Variants in HMCN1 observed in about 807,000 individuals in gnomAD.
The protein encoded by HMCN1 is hemicentin 1.
In HMCN1, 321 loss-of-function variants were observed where a neutral mutation model predicts 625.9. That is an observed-to-expected ratio of 0.51 (90% CI 0.47 to 0.56). The LOEUF is 0.56. Ranked by LOEUF, HMCN1 falls within the 20% of genes least tolerant of loss-of-function variation. The pLI is 0.00. For missense variants in HMCN1, 6,588 were observed against 6,887.3 expected (o/e 0.96, Z 1.54); for synonymous variants, 2,425 against 2,417.6 (o/e 1.00, Z -0.09).
chr1:186,117,837 C>T (rs1370239284), intron 77 of HMCN1, among the ~76,000 whole-genome samples: 1 of 152,092 alleles, frequency 6.6e-6, no homozygotes, highest in Admixed American at 6.6e-5. Flanking sequence ...AACAAAATAA[C>T]AATATCTAAG....
At chr1:185,852,459 GTAGAGCTATCAGAGGTTTGA>G in intron 2 of HMCN1, among the ~76,000 whole-genome samples, 1 of 151,800 alleles carries the variant, frequency 6.6e-6, no homozygotes. Context: ...TAGATATAAT[GTAGAGCTATCAGAGGTTTGA>G]TTTTCATTTT....
intron 11 of HMCN1, among the ~76,000 whole-genome samples, chr1:185,942,663 C>T (rs541928338): frequency 6.6e-6 from 1 of 152,020 alleles, no homozygotes; most frequent in African/African-American, 2.4e-5. Flanking sequence ...CACCAACAAC[C>T]AAATCTCCAA....
chr1:185,798,571 A>T (rs1356559497), intron 1 of HMCN1, among the ~76,000 whole-genome samples: 1 of 151,932 alleles, frequency 6.6e-6, no homozygotes, highest in Non-Finnish European at 1.5e-5. Context: ...CATTTTAACA[A>T]ATTCTTTTTT....
At position 185,909,535 on chromosome 1, in the gene HMCN1, A is replaced by G. The variant is rs16824732; in HGVS notation, c.793+27A>G. ...TGAGATATATCAAACATCACATAAT[A>G]AAATACAAAATACATAGAGGGTAAA... On this transcript the variant is annotated intron_variant, in intron 5 of 106. Transcript: ENST00000271588. 21,482 of 1,566,974 alleles carry G rather than the reference A, an allele frequency of 0.014. 2,560 individuals carry two copies. The African/African-American group carries it at 0.25, about 18-fold the overall frequency.
chr1:186,117,189 G>T (rs1661174230), intron 76 of HMCN1, 74 bp downstream of exon 76: 2 of 1,577,090 alleles, frequency 1.3e-6, no homozygotes, highest in Non-Finnish European at 8.6e-7. Flanking sequence ...TTACAAAAGG[G>T]ATCCCTTTTC....
At chr1:185,880,808 A>G (rs757108528) in intron 4 of HMCN1, among the ~76,000 whole-genome samples, 5 of 152,236 alleles carry the variant, frequency 3.3e-5, no homozygotes, top group Admixed American at 6.5e-5. Flanking sequence ...CTCTACTGCT[A>G]TGTGTTAGTT....
At chr1:186,169,256 G>A (rs1652073410) in intron 100 of HMCN1, among the ~76,000 whole-genome samples, 1 of 152,084 alleles carries the variant, frequency 6.6e-6, no homozygotes, top group African/African-American at 2.4e-5. Context: ...TGTGAAAATG[G>A]CCATACTTCC....
chr1:186,107,092 CT>C (rs1208686760), intron 70 of HMCN1, 127 bp downstream of exon 70: 19,183 of 521,542 alleles, frequency 0.037, 1 homozygote, highest in South Asian at 0.051. Context: ...AAATCTGAAT[CT>C]TTTTTTTTTT....
rs571005765 is a variant in HMCN1, at chr1:185,856,265, G to T, written c.340-8205G>T. On this transcript the variant is annotated intron_variant, in intron 2 of 106. Coordinates refer to ENST00000271588, the MANE Select transcript of HMCN1 (RefSeq NM_031935.3). ...GCACTTTGGGAGGTTGAGGTGGGTG[G>T]ATCATCTGAGTTCACGAGTTTGAGA... Among the ~76,000 whole-genome samples, 18 of 152,186 alleles carry T rather than the reference G, an allele frequency of 1.2e-4. No homozygotes were observed. In the East Asian group the frequency reaches 3.5e-3, roughly 29 times the overall value.
chr1:186,175,745 A>G (rs1652523588), intron 103 of HMCN1, among the ~76,000 whole-genome samples: 1 of 151,978 alleles, frequency 6.6e-6, no homozygotes, highest in Non-Finnish European at 1.5e-5. Context: ...ATGGCTGGGC[A>G]CTGTGCTTCA....
At chr1:185,956,936 T>C (rs776565348) in intron 11 of HMCN1, 6 of 152,246 alleles carry the variant, frequency 3.9e-5, no homozygotes, top group Non-Finnish European at 7.3e-5. Flanking sequence ...CGATATCACA[T>C]TGTCATTTTT....
chr1:185,922,762 G>C (rs1480690369), intron 7 of HMCN1, among the ~76,000 whole-genome samples: 1 of 151,998 alleles, frequency 6.6e-6, no homozygotes, highest in Non-Finnish European at 1.5e-5. Context: ...TGGAAGGTAG[G>C]GCCCAGGAAT....
In HMCN1 at chr1:185,835,015, G is replaced by A. The variant is rs142016116; in HGVS notation, c.269-11011G>A. 2.8e-3 allele frequency among the ~76,000 whole-genome samples: 427 copies of A among 152,266 alleles called. 3 individuals carry two copies. Among genetic ancestry groups the A allele is most frequent in the African/African-American group, 5.7e-3 (235 of 41,552 alleles). ...ACAGTGACAGATAACATAACTTGAC[G>A]ACAGTATTATTTTCATCTCCCTTTC... On this transcript the variant is annotated intron_variant, in intron 1 of 106. Transcript: ENST00000271588.
chr1:186,092,743 A>G lies in HMCN1; in HGVS notation c.9888-391A>G, dbSNP rs553449150. On this transcript the variant is annotated intron_variant, in intron 64 of 106. Coordinates refer to ENST00000271588, the MANE Select transcript of HMCN1 (RefSeq NM_031935.3). ...CTATTGTGTTTTTTATTAAGGTATT[A>G]AGTTGTTTATAACTATATTAAGTTG... Among the ~76,000 whole-genome samples, 61 of 152,040 alleles carry G rather than the reference A, an allele frequency of 4.0e-4. 1 individual carries two copies. The highest frequency in any genetic ancestry group is 1.7e-4 in the African/African-American group (7 of 41,428).
At chr1:186,174,923 CTTAA>C (rs1169533599) in intron 103 of HMCN1, among the ~76,000 whole-genome samples, 3 of 152,162 alleles carry the variant, frequency 2.0e-5, no homozygotes, top group African/African-American at 4.8e-5. Flanking sequence ...GCCATCACAA[CTTAA>C]TTATCAAGAT....
intron 47 of HMCN1, among the ~76,000 whole-genome samples, 186 bp downstream of exon 47, chr1:186,062,150 A>G (rs753272435): frequency 6.6e-6 from 1 of 152,176 alleles, no homozygotes; most frequent in African/African-American, 2.4e-5. Flanking sequence ...GGGAATTAAA[A>G]TGCCTGTTTT....
At chr1:186,035,766 C>T (rs1271976934) in intron 36 of HMCN1, among the ~76,000 whole-genome samples, 1 of 152,002 alleles carries the variant, frequency 6.6e-6, no homozygotes, top group Non-Finnish European at 1.5e-5. Flanking sequence ...ATTGGCATTT[C>T]ATGGGCTAAT....
chr1:186,086,011 A>C (rs1659455225), intron 57 of HMCN1, among the ~76,000 whole-genome samples: 1 of 152,196 alleles, frequency 6.6e-6, no homozygotes, highest in Non-Finnish European at 1.5e-5. Context: ...TTTTACAAAT[A>C]AAATGCAGAA....
intron 1 of HMCN1, among the ~76,000 whole-genome samples, chr1:185,740,352 G>A (rs529863447): frequency 1.5e-3 from 232 of 152,312 alleles, no homozygotes; most frequent in African/African-American, 5.4e-3. Context: ...GTTGGTGGCT[G>A]TGGGAGGTGT....
Sources: allele counts gnomAD v4.1 joint callset (sites outside exome capture counted in the v4.1 genomes callset), GRCh38; gene constraint gnomAD v4.1.1; transcripts MANE v1.5; gene names NCBI Gene and HGNC (gene_info 2026-07-23, HGNC 2026-07-21).